Variants in NHS observed in about 807,000 individuals in gnomAD.
NHS encodes the protein NHS actin remodeling regulator.
A neutral mutation model predicts 72.5 loss-of-function variants in NHS; 5 were observed. The ratio of observed to expected loss-of-function variants is 0.07; its 90% CI spans 0.04 to 0.14. The LOEUF is 0.14. Ranked by LOEUF, NHS falls within the 10% of genes least tolerant of loss-of-function variation. The probability of loss-of-function intolerance (pLI) is 1.00; values close to 1 mark genes in which losing one functional copy is unlikely to be tolerated. For missense variants in NHS, 1,072 were observed against 1,355.7 expected, an observed-to-expected ratio of 0.79 and a Z score of 3.29; for synonymous variants, 464 against 547.7, an observed-to-expected ratio of 0.85 and a Z score of 2.13.
chrX:17,380,378 C>CT (rs201078044), intron 1 of NHS, among the ~76,000 whole-genome samples: 8,711 of 94,432 alleles, frequency 0.092, 558 homozygotes, highest in African/African-American at 0.18. Context: ...CTACAGAGAG[C>CT]TTTTTTTTTT....
intron 1 of NHS, among the ~76,000 whole-genome samples, chrX:17,559,894 ACTTC>A (rs1481824190): frequency 5.4e-5 from 6 of 110,925 alleles, no homozygotes; most frequent in African/African-American, 2.0e-4. Context: ...CTCTTTATTG[ACTTC>A]CTTCTCTTCC....
At chrX:17,544,833 G>GAA (rs1450521253) in intron 1 of NHS, among the ~76,000 whole-genome samples, 1 of 112,587 alleles carries the variant, frequency 8.9e-6, no homozygotes, top group African/African-American at 3.2e-5. Context: ...TTATTAATTG[G>GAA]AAAAAATCAC....
At chrX:17,429,263 C>T (rs1422058652) in intron 1 of NHS, among the ~76,000 whole-genome samples, 5 of 103,888 alleles carry the variant, frequency 4.8e-5, no homozygotes, top group South Asian at 3.9e-4. Flanking sequence ...TGTGTGCACA[C>T]GTGCGCGCGC....
At position 17,727,968 on chromosome X, in the gene NHS, A is replaced by C. The variant is rs1432962355; in HGVS notation, c.3862A>C (p.Lys1288Gln). Reference sequence around the variant, plus strand: ...TGCCCGCCCAAATGATTTGGATGGTAAAATAATACAATATGGACCTGGTCC... The same window carrying C: ...TGCCCGCCCAAATGATTTGGATGGTCAAATAATACAATATGGACCTGGTCC... ...SAARPNDLDG[K>Q]IIQYGPGPDE... is the part of the protein sequence containing the mutation. Residue 1288 changes from lysine (K) to glutamine (Q), a missense_variant, in exon 7 of 9, where the codon AAA (lysine) becomes CAA (glutamine). Transcript: ENST00000676302. 1.7e-6 allele frequency: 2 copies of C among 1,211,687 alleles called. No homozygotes were observed. The highest frequency in any genetic ancestry group is 2.2e-6 in the Non-Finnish European group (2 of 895,454).
intron 1 of NHS, chrX:17,686,663 G>A (rs1239535954): frequency 8.9e-6 from 1 of 112,168 alleles, no homozygotes; most frequent in Non-Finnish European, 1.9e-5. Context: ...CATTGGGTAG[G>A]AGTTGACTTT....
In NHS at chrX:17,515,819, C is replaced by T. The variant is rs1348279559; in HGVS notation, c.565+139497C>T. ...CAGATGAGGTTAAATATGAAGGACA[C>T]GCAGCTAGTAGGTGGCCAAACTACA... On this transcript the variant is annotated intron_variant, in intron 1 of 8. Transcript: ENST00000676302. Among the ~76,000 whole-genome samples, 3 of 111,687 alleles carry T rather than the reference C, an allele frequency of 2.7e-5. No individual in the cohort carries two copies. In the East Asian group the frequency reaches 8.4e-4, roughly 31 times the overall value.
chrX:17,516,569 G>A (rs112582858), intron 1 of NHS, among the ~76,000 whole-genome samples: 4,802 of 84,431 alleles, frequency 0.057, 292 homozygotes, highest in African/African-American at 0.22. Context: ...ACACACACAC[G>A]CGCACACACA....
intron 1 of NHS, among the ~76,000 whole-genome samples, chrX:17,659,591 T>C (rs1262854283): frequency 8.9e-6 from 1 of 112,270 alleles, no homozygotes; most frequent in Admixed American, 9.4e-5. Context: ...TGGCATCTTA[T>C]GAAAACAGTT....
At chrX:17,624,238 A>G (rs1454606835) in intron 1 of NHS, among the ~76,000 whole-genome samples, 1 of 112,942 alleles carries the variant, frequency 8.9e-6, no homozygotes, top group African/African-American at 3.2e-5. Flanking sequence ...CCATGTCTAA[A>G]AATTCTGGTT....
intron 1 of NHS, among the ~76,000 whole-genome samples, chrX:17,470,204 A>C (rs1569261181): frequency 9.1e-6 from 1 of 110,241 alleles, no homozygotes; most frequent in South Asian, 3.9e-4. Flanking sequence ...TCCTAAGGCC[A>C]CCCATCTAAA....
At chrX:17,631,453 G>C (rs964565590) in intron 1 of NHS, among the ~76,000 whole-genome samples, 2 of 112,018 alleles carry the variant, frequency 1.8e-5, no homozygotes, top group Non-Finnish European at 3.8e-5. Context: ...GAAACATTTT[G>C]TTTTGTTATC....
chrX:17,623,658 G>A (rs781500851), intron 1 of NHS, among the ~76,000 whole-genome samples: 1 of 111,908 alleles, frequency 8.9e-6, no homozygotes, highest in African/African-American at 3.2e-5. Context: ...CTAGGGTATT[G>A]GAAGTGATAG....
At position 17,421,526 on chromosome X, in the gene NHS, T is replaced by C. The variant is rs750434362; in HGVS notation, c.565+45204T>C. ...GTCTACCTGTTGAAAACAATGGTTT[T>C]AAACTTTTATACTGTGGCTGATTTT... On this transcript the variant is annotated intron_variant, in intron 1 of 8. Transcript: ENST00000676302. Among the ~76,000 whole-genome samples, 4 of 111,810 alleles carry C rather than the reference T, an allele frequency of 3.6e-5. No individual in the cohort carries two copies. The South Asian group carries it at 1.5e-3, about 42-fold the overall frequency.
chrX:17,729,347 TTAAAA>T (rs1450011360), intron 8 of NHS, among the ~76,000 whole-genome samples: 3 of 112,257 alleles, frequency 2.7e-5, no homozygotes, highest in Non-Finnish European at 3.8e-5. Context: ...ATTTGTCAGC[TTAAAA>T]TAAAATAAAA....
At chrX:17,604,167 T>C (rs1179769226) in intron 1 of NHS, among the ~76,000 whole-genome samples, 2 of 109,463 alleles carry the variant, frequency 1.8e-5, no homozygotes, top group Non-Finnish European at 3.8e-5. Context: ...ATCAAGTTAA[T>C]GGTACATTGC....
At chrX:17,605,368 G>A (rs2065673697) in intron 1 of NHS, among the ~76,000 whole-genome samples, 1 of 111,783 alleles carries the variant, frequency 8.9e-6, no homozygotes, top group Non-Finnish European at 1.9e-5. Context: ...TGTAATAGAG[G>A]TTGGAGAAAT....
At chrX:17,601,770 G>A (rs950991346) in intron 1 of NHS, among the ~76,000 whole-genome samples, 2 of 111,626 alleles carry the variant, frequency 1.8e-5, no homozygotes, top group African/African-American at 6.5e-5. Context: ...GGAATATAAC[G>A]ACTTAGTTTT....
At chrX:17,564,990 T>TTTTTTTTTTTTTTC (rs2065435729) in intron 1 of NHS, among the ~76,000 whole-genome samples, 1 of 109,965 alleles carries the variant, frequency 9.1e-6, no homozygotes. Context: ...TTTATTTTTT[T>TTTTTTTTTTTTTTC]TTTTTGCAGC....
At chrX:17,424,948 A>T (rs1199337397) in intron 1 of NHS, among the ~76,000 whole-genome samples, 1 of 111,615 alleles carries the variant, frequency 9.0e-6, no homozygotes, top group African/African-American at 3.3e-5. Flanking sequence ...GGTGGTGGTG[A>T]GGCTAAAGAC....
Sources: gnomAD v4.1 joint callset for allele counts (sites outside exome capture counted in the v4.1 genomes callset) on GRCh38, gnomAD v4.1.1 for gene constraint, MANE v1.5 for transcripts, NCBI Gene and HGNC (gene_info 2026-07-23, HGNC 2026-07-21) for gene names.